The following RASA3 variants were observed in gnomAD, a reference collection of about 807,000 sequenced individuals.
RASA3 encodes the protein ras GTPase-activating protein 3.
Under a neutral mutation model 110.0 loss-of-function variants are expected in RASA3, and 73 were observed. That is an observed-to-expected ratio of 0.66 (90% CI 0.55 to 0.81). The LOEUF (loss-of-function observed/expected upper bound fraction) is 0.81, where lower values mean the gene tolerates loss of function less well. RASA3 is among the 30% of genes least tolerant of loss of function. RASA3 has a pLI of 0.00. For missense variants in RASA3, 976 were observed against 1,113.2 expected (o/e 0.88, Z 1.75); for synonymous variants, 500 against 451.4 (o/e 1.11, Z -1.37).
intron 2 of RASA3, among the ~76,000 whole-genome samples, chr13:114,059,848 C>T (rs890492196): frequency 2.6e-5 from 4 of 152,248 alleles, no homozygotes; most frequent in East Asian, 3.9e-4. Flanking sequence ...TGCCCATCCC[C>T]GTTCTAGACT....
intron 21 of RASA3, among the ~76,000 whole-genome samples, chr13:113,993,805 C>CAAAAA (rs1566450353): frequency 2.4e-5 from 1 of 41,342 alleles, no homozygotes; most frequent in African/African-American, 1.6e-4. Flanking sequence ...GAGACTCTGC[C>CAAAAA]TAAAAAAAAA....
chr13:114,025,042 G>A (rs1566494858), intron 7 of RASA3, among the ~76,000 whole-genome samples: 1 of 151,766 alleles, frequency 6.6e-6, no homozygotes, highest in African/African-American at 2.4e-5. Flanking sequence ...TTATCACCTG[G>A]AGTTCCGATT....
At chr13:114,001,657 C>A (rs368513268) in intron 18 of RASA3, among the ~76,000 whole-genome samples, 2 of 151,400 alleles carry the variant, frequency 1.3e-5, no homozygotes, top group South Asian at 2.1e-4. Context: ...GGAGGACCTG[C>A]GGCCGTGGGC....
intron 4 of RASA3, among the ~76,000 whole-genome samples, chr13:114,030,754 G>C (rs997507028): frequency 6.7e-6 from 1 of 149,868 alleles, no homozygotes; most frequent in African/African-American, 2.5e-5. Context: ...TGTGTGTGCA[G>C]CTGTGTATGT....
At chr13:113,997,978 C>T (rs949789295) in intron 20 of RASA3, among the ~76,000 whole-genome samples, 2 of 152,206 alleles carry the variant, frequency 1.3e-5, no homozygotes, top group South Asian at 2.1e-4. Context: ...ATCCCAGGCT[C>T]GGCCCTGCCA....
intron 7 of RASA3, among the ~76,000 whole-genome samples, chr13:114,026,059 C>T (rs2054020000): frequency 6.6e-6 from 1 of 152,236 alleles, no homozygotes; most frequent in African/African-American, 2.4e-5. Flanking sequence ...GTGACGCAGA[C>T]CATGGTTTTC....
chr13:114,073,414 G>A (rs1247526466), intron 2 of RASA3, among the ~76,000 whole-genome samples: 5 of 148,086 alleles, frequency 3.4e-5, no homozygotes, highest in African/African-American at 5.0e-5. Flanking sequence ...GTACACGCTC[G>A]GGACATTGTC....
At chr13:114,099,617 ACAG>A (rs1228165536) in intron 1 of RASA3, among the ~76,000 whole-genome samples, 1 of 53,282 alleles carries the variant, frequency 1.9e-5, no homozygotes, top group Non-Finnish European at 3.7e-5. Flanking sequence ...TGCAGCCCCC[ACAG>A]CAGCCCCCCC....
intron 4 of RASA3, among the ~76,000 whole-genome samples, chr13:114,034,278 G>A (rs936871435): frequency 2.0e-5 from 3 of 152,268 alleles, no homozygotes; most frequent in Non-Finnish European, 4.4e-5. Flanking sequence ...AATGCCGGGC[G>A]CAAACTCTCT....
chr13:114,050,030 C>T (rs533271494), intron 3 of RASA3, among the ~76,000 whole-genome samples: 48 of 152,292 alleles, frequency 3.2e-4, no homozygotes, highest in African/African-American at 1.0e-3. Flanking sequence ...GGGTGCACAG[C>T]GGCTGAGCCC....
chr13:114,024,243 C>G, intron 8 of RASA3, 36 bp downstream of exon 8: 1 of 1,595,294 alleles, frequency 6.3e-7, no homozygotes, highest in Non-Finnish European at 8.6e-7. Flanking sequence ...TGGGTGAAAA[C>G]TGCCAAGTTG....
rs886245993 is a variant in RASA3 at position 114,008,956 on chromosome 13, C to T, written c.1668+431G>A. On this transcript the variant is annotated intron_variant, in intron 17 of 23. Transcript: ENST00000334062. ...AGAGCCCTGCGGTCTGGATGTTCCCCACGCACCGCGTTCCTAACTGTGGGG... is the reference window on the plus strand; with the variant it reads ...AGAGCCCTGCGGTCTGGATGTTCCCTACGCACCGCGTTCCTAACTGTGGGG... Among the ~76,000 whole-genome samples the T allele has an allele frequency of 4.9e-4, 56 of 114,392 alleles. 5 individuals are homozygous for T. The highest frequency in any genetic ancestry group is 1.7e-4 in the Non-Finnish European group (9 of 53,754). The allele number at this position is 114,392 out of a possible 152,430, so 75.0% of individuals were successfully genotyped here. A position where few individuals can be genotyped will look rare whatever the true frequency, so the allele number is the denominator to read the frequency against.
rs539486741 is a variant in RASA3, at chr13:114,050,721, C to T, written c.277+1331G>A. 2.6e-5 allele frequency among the ~76,000 whole-genome samples: 4 copies of T among 152,358 alleles called. No individual in the cohort carries two copies. The South Asian group carries it at 8.3e-4, about 32-fold the overall frequency. ...CATGGCAGAGTGCAGACAGCCTACGCGTTACCTACTAGCCCGTTTCTCTCA... is the reference window on the plus strand; with the variant it reads ...CATGGCAGAGTGCAGACAGCCTACGTGTTACCTACTAGCCCGTTTCTCTCA... On this transcript the variant is annotated intron_variant, in intron 3 of 23. Transcript: ENST00000334062.
chr13:113,995,378 A>G (rs1018299599), intron 21 of RASA3, among the ~76,000 whole-genome samples: 4 of 152,220 alleles, frequency 2.6e-5, no homozygotes, highest in African/African-American at 9.6e-5. Context: ...ACGAAGCAGG[A>G]TCTAAGGTCC....
intron 8 of RASA3, among the ~76,000 whole-genome samples, chr13:114,022,900 G>A (rs1451017606): frequency 3.9e-5 from 6 of 152,160 alleles, no homozygotes; most frequent in East Asian, 1.9e-4. Flanking sequence ...AGATCTGACC[G>A]ACCACGTCAG....
intron 4 of RASA3, among the ~76,000 whole-genome samples, chr13:114,035,165 A>G (rs2054256486): frequency 6.6e-6 from 1 of 152,256 alleles, no homozygotes; most frequent in African/African-American, 2.4e-5. Context: ...ATCGGAAACC[A>G]ATAGGTAAAA....
chr13:114,130,139 G>A (rs1226236193), intron 1 of RASA3, among the ~76,000 whole-genome samples: 3 of 152,184 alleles, frequency 2.0e-5, no homozygotes, highest in South Asian at 2.1e-4. Flanking sequence ...CCAAACCAGC[G>A]CACCCACAGG....
At chr13:114,038,706 CGGTTCCCAGAGGACGAG>C (rs201413598) in intron 4 of RASA3, among the ~76,000 whole-genome samples, 6,731 of 152,108 alleles carry the variant, frequency 0.044, 170 homozygotes, top group Middle Eastern at 0.099. Flanking sequence ...CAGGGCAAGA[CGGTTCCCAGAGGACGAG>C]GGTTCCCAGA....
chr13:113,978,579 T>A lies in RASA3; in HGVS notation c.*768A>T, dbSNP rs1054682607. On this transcript the variant is annotated 3_prime_UTR_variant, in exon 24 of 24. Transcript: ENST00000334062. Reference sequence around the variant, plus strand: ...ATGTTAATTCTGATTTTAAACCCCATTCAACAGCAAAACGATGTGGGCTTC... The same window carrying A: ...ATGTTAATTCTGATTTTAAACCCCAATCAACAGCAAAACGATGTGGGCTTC... 3 of 152,230 alleles carry A rather than the reference T, an allele frequency of 2.0e-5. No homozygotes were observed. The highest frequency in any genetic ancestry group is 1.3e-4 in the Admixed American group (2 of 15,280). The allele number at this position is 152,230 out of a possible 1,614,324, so 9.4% of individuals were successfully genotyped here.
Sources: allele counts gnomAD v4.1 joint callset (sites outside exome capture counted in the v4.1 genomes callset), GRCh38; gene constraint gnomAD v4.1.1; transcripts MANE v1.5; gene names NCBI Gene and HGNC (gene_info 2026-07-23, HGNC 2026-07-21).